OXR1: variants seen among roughly 807,000 people sequenced by gnomAD.
OXR1 encodes the protein oxidation resistance 1, also known as oxidation resistance protein 1.
OXR1 carries 41 observed loss-of-function variants against 104.6 expected under a neutral mutation model. The ratio of observed to expected loss-of-function variants is 0.39; its 90% CI spans 0.31 to 0.51. OXR1 has a LOEUF of 0.51. OXR1 is among the 20% of genes least tolerant of loss of function. The probability of loss-of-function intolerance (pLI) is 0.77; values close to 1 mark genes in which losing one functional copy is unlikely to be tolerated. For missense variants in OXR1, 955 were observed against 1,031.9 expected, an observed-to-expected ratio of 0.93 and a Z score of 1.02; for synonymous variants, 348 against 348.4, an observed-to-expected ratio of 1.00 and a Z score of 0.01.
At chr8:106,437,338 A>G (rs1366332148) in intron 2 of OXR1, among the ~76,000 whole-genome samples, 2 of 152,174 alleles carry the variant, frequency 1.3e-5, no homozygotes, top group Non-Finnish European at 2.9e-5. Context: ...GTCTAATTTC[A>G]TAGATATCTT....
chr8:106,693,922 T>G (rs2131301140), intron 7 of OXR1, among the ~76,000 whole-genome samples: 1 of 152,324 alleles, frequency 6.6e-6, no homozygotes, highest in Admixed American at 6.5e-5. Context: ...CATAAATTTA[T>G]GAGTATTTGA....
At chr8:106,710,539 A>G in intron 9 of OXR1, 83 bp from the exon 10 acceptor site, 1 of 818,338 alleles carries the variant, frequency 1.2e-6, no homozygotes, top group Non-Finnish European at 1.8e-6. Flanking sequence ...ACTATTTGTC[A>G]GAATTTTGAA....
intron 3 of OXR1, among the ~76,000 whole-genome samples, chr8:106,553,987 T>C (rs1816071364): frequency 6.6e-6 from 1 of 152,242 alleles, no homozygotes; most frequent in Non-Finnish European, 1.5e-5. Flanking sequence ...CATTTATATA[T>C]GAGTTTTCAT....
At chr8:106,298,381 G>T (rs1177322956) in intron 1 of OXR1, among the ~76,000 whole-genome samples, 3 of 152,134 alleles carry the variant, frequency 2.0e-5, no homozygotes, top group African/African-American at 7.2e-5. Flanking sequence ...AAAACCATCA[G>T]ATCTTGTGAG....
At chr8:106,705,507 C>T (rs1022818786) in intron 8 of OXR1, among the ~76,000 whole-genome samples, 6 of 152,070 alleles carry the variant, frequency 3.9e-5, no homozygotes, top group Non-Finnish European at 8.8e-5. Context: ...TACAATCTTT[C>T]CTTTTCAGCA....
intron 1 of OXR1, among the ~76,000 whole-genome samples, chr8:106,331,126 C>CTTG (rs2130225398): frequency 1.3e-5 from 2 of 152,158 alleles, no homozygotes; most frequent in African/African-American, 4.8e-5. Flanking sequence ...AGACATGCTT[C>CTTG]TTACTTGTTT....
chr8:106,634,566 G>C (rs1822974896), intron 3 of OXR1, among the ~76,000 whole-genome samples: 1 of 152,054 alleles, frequency 6.6e-6, no homozygotes, highest in Admixed American at 6.6e-5. Flanking sequence ...TATGACTGTA[G>C]AGCCCTCTTT....
chr8:106,316,964 G>T (rs988089878), intron 1 of OXR1, among the ~76,000 whole-genome samples: 2 of 151,992 alleles, frequency 1.3e-5, no homozygotes, highest in East Asian at 3.9e-4. Flanking sequence ...CTCGCCTCCC[G>T]GGTTCAAGTG....
At chr8:106,371,334 CA>C (rs569809652) in intron 2 of OXR1, among the ~76,000 whole-genome samples, 4 of 149,110 alleles carry the variant, frequency 2.7e-5, no homozygotes, top group South Asian at 2.1e-4. Flanking sequence ...TTAGTTTTTT[CA>C]AAAAAAAAGC....
intron 3 of OXR1, 33 bp from the exon 4 acceptor site, chr8:106,679,177 G>T: frequency 7.7e-7 from 1 of 1,299,566 alleles, no homozygotes. Flanking sequence ...AAAGAAAGAT[G>T]AATTTAATAG....
chr8:106,304,872 T>C (rs1436264669), intron 1 of OXR1, among the ~76,000 whole-genome samples: 2 of 152,216 alleles, frequency 1.3e-5, no homozygotes, highest in African/African-American at 4.8e-5. Flanking sequence ...TAATTATCAG[T>C]AGTAATCATA....
chr8:106,519,993 A>G (rs1311670821), intron 3 of OXR1, among the ~76,000 whole-genome samples: 1 of 152,124 alleles, frequency 6.6e-6, no homozygotes. Context: ...AATGGTGTGT[A>G]GGGGAGACAA....
chr8:106,607,381 T>C lies in OXR1; in HGVS notation c.221-71829T>C, dbSNP rs564700556. On this transcript the variant is annotated intron_variant, in intron 3 of 16. Transcript: ENST00000517566. ...TCTGATTGCAAGGGCAGCATCACTC[T>C]TTCTGCCATGCATAAGTCAACATTT... Among the ~76,000 whole-genome samples the C allele has an allele frequency of 9.8e-5, 15 of 152,374 alleles. 1 individual carries two copies. In the South Asian group the frequency reaches 2.7e-3, roughly 27 times the overall value.
chr8:106,682,891 A>G (rs1828318633), intron 4 of OXR1, among the ~76,000 whole-genome samples: 1 of 152,208 alleles, frequency 6.6e-6, no homozygotes, highest in South Asian at 2.1e-4. Context: ...ATAGTGTATT[A>G]TTTTAAAACC....
At chr8:106,499,801 GAA>G (rs1375156594) in intron 2 of OXR1, among the ~76,000 whole-genome samples, 1 of 152,180 alleles carries the variant, frequency 6.6e-6, no homozygotes, top group African/African-American at 2.4e-5. Flanking sequence ...CAATACCCTT[GAA>G]GTCAAATAGG....
intron 1 of OXR1, among the ~76,000 whole-genome samples, chr8:106,271,257 C>G (rs1412005991): frequency 6.6e-6 from 1 of 151,490 alleles, no homozygotes; most frequent in African/African-American, 2.4e-5. Context: ...GTCTACTACC[C>G]GGCTTGGACG....
intron 2 of OXR1, among the ~76,000 whole-genome samples, chr8:106,359,869 C>T (rs1488846135): frequency 1.3e-5 from 2 of 152,068 alleles, no homozygotes; most frequent in East Asian, 3.8e-4. Context: ...CACTGAATCC[C>T]AGTGACCTCC....
At chr8:106,593,332 G>C (rs1819250795) in intron 3 of OXR1, among the ~76,000 whole-genome samples, 1 of 152,200 alleles carries the variant, frequency 6.6e-6, no homozygotes, top group African/African-American at 2.4e-5. Flanking sequence ...ATGAAGGGGA[G>C]AGTCCTTTTT....
intron 2 of OXR1, among the ~76,000 whole-genome samples, chr8:106,383,224 G>T (rs1817233502): frequency 1.3e-5 from 2 of 152,104 alleles, no homozygotes; most frequent in Admixed American, 1.3e-4. Context: ...CTGTTAATCA[G>T]TATTTTAATT....
Sources: allele counts gnomAD v4.1 joint callset (sites outside exome capture counted in the v4.1 genomes callset), GRCh38; gene constraint gnomAD v4.1.1; transcripts MANE v1.5; gene names NCBI Gene and HGNC (gene_info 2026-07-23, HGNC 2026-07-21).